The following ATP2C2 variants were observed in gnomAD, a reference collection of about 807,000 sequenced individuals.
The protein encoded by ATP2C2 is ATPase secretory pathway Ca2+ transporting 2, also known as calcium-transporting ATPase type 2C member 2.
ATP2C2 carries 171 observed loss-of-function variants against 110.8 expected under a neutral mutation model. The ratio of observed to expected loss-of-function variants is 1.54; its 90% confidence interval spans 1.36 to 1.75. ATP2C2 has a LOEUF of 1.75. ATP2C2 is among the 40% of genes most tolerant of loss of function. The pLI is 0.00. For synonymous variants in ATP2C2, 804 were observed against 508.4 expected (o/e 1.58, Z -7.82); for missense variants, 1,963 against 1,235.0 (o/e 1.59, Z -8.84).
chr16:84,443,728 T>C lies in ATP2C2; in HGVS notation c.1401+1129T>C, dbSNP rs138198765. ...GGGCTCACTTCACTGCCTTCTGTTA[T>C]CAGCTTACCTGTCCCTCCCTCCAGT... On this transcript the variant is annotated intron_variant, in intron 15 of 26. Coordinates refer to ENST00000262429, the MANE Select transcript of ATP2C2 (RefSeq NM_014861.4). Among the ~76,000 whole-genome samples the C allele has an allele frequency of 3.4e-4, 52 of 152,304 alleles. No individual in the cohort carries two copies. The South Asian group carries it at 7.7e-3, about 22-fold the overall frequency.
intron 2 of ATP2C2, among the ~76,000 whole-genome samples, chr16:84,399,473 A>G (rs1478940349): frequency 1.3e-5 from 2 of 152,204 alleles, no homozygotes; most frequent in Non-Finnish European, 2.9e-5. Context: ...TTGGCTTTTT[A>G]AAAACAAGGA....
intron 7 of ATP2C2, among the ~76,000 whole-genome samples, chr16:84,420,048 A>G (rs1907188781): frequency 6.6e-6 from 1 of 152,130 alleles, no homozygotes; most frequent in Admixed American, 6.5e-5. Context: ...TTCAACTGCC[A>G]TGGGGGCACC....
At position 84,463,649 on chromosome 16, in the gene ATP2C2, T is replaced by A; in HGVS notation, c.2758T>A (p.Phe920Ile). ...TTTAACTGGATTGGCCTCATCCGTC[T>A]TCATTTTGTCAGAGCTCCTCAAACT... Reference protein sequence around the residue: ...LFLTGLASSVFILSELLKLCE... With the variant: ...LFLTGLASSVIILSELLKLCE... The change falls in exon 27 of 27, where the codon TTC becomes ATC. Residue 920 changes from phenylalanine to isoleucine, a missense_variant. Coordinates refer to ENST00000262429, the MANE Select transcript of ATP2C2 (RefSeq NM_014861.4). The A allele has an allele frequency of 6.2e-7, 1 of 1,614,220 alleles. No homozygotes were observed. Among genetic ancestry groups the A allele is most frequent in the Non-Finnish European group, 8.5e-7 (1 of 1,180,034 alleles).
chr16:84,455,068 A>AG (rs1472668964), intron 21 of ATP2C2, 84 bp downstream of exon 21: 145 of 1,250,318 alleles, frequency 1.2e-4, no homozygotes, highest in East Asian at 4.6e-4. Context: ...CTGTGGAGAT[A>AG]GAGGGGGGGG....
In ATP2C2 at chr16:84,415,602, C is replaced by G. The variant is rs746770145; in HGVS notation, c.624+11C>G. ...ATCCGACTCACTGAGGTGAGTGGTT[C>G]CAAACCCTTGTCAATGGGGTATTTG... On this transcript the variant is annotated intron_variant, in intron 7 of 26. Transcript: ENST00000262429. The G allele has an allele frequency of 6.3e-7, 1 of 1,599,884 alleles. No homozygotes were observed. The highest frequency in any genetic ancestry group is 8.5e-7 in the Non-Finnish European group (1 of 1,170,862).
In ATP2C2 at chr16:84,452,109, G is replaced by T; in HGVS notation, c.1831+18G>T. 1 of 1,613,464 alleles carries T rather than the reference G, an allele frequency of 6.2e-7. No homozygotes were observed. Reference sequence around the variant, plus strand: ...GGCCATAGGTAACTGGGACAGGGTCGGGGGTGAGGACGAAAGGACCCATCC... The same window carrying T: ...GGCCATAGGTAACTGGGACAGGGTCTGGGGTGAGGACGAAAGGACCCATCC... On this transcript the variant is annotated intron_variant, in intron 18 of 26. Coordinates refer to ENST00000262429, the MANE Select transcript of ATP2C2 (RefSeq NM_014861.4).
intron 20 of ATP2C2, among the ~76,000 whole-genome samples, chr16:84,453,705 C>G (rs550713672): frequency 2.6e-5 from 4 of 152,246 alleles, no homozygotes; most frequent in African/African-American, 7.2e-5. Context: ...TGGGCGGACA[C>G]GAGCCCCACC....
chr16:84,449,190 G>A (rs1455792805), intron 17 of ATP2C2, among the ~76,000 whole-genome samples: 1 of 152,246 alleles, frequency 6.6e-6, no homozygotes, highest in African/African-American at 2.4e-5. Flanking sequence ...GTGCTCCTGA[G>A]CACTGGTATT....
At chr16:84,439,323 G>T in intron 12 of ATP2C2, 33 bp downstream of exon 12, 3 of 1,613,654 alleles carry the variant, frequency 1.9e-6, no homozygotes, top group Non-Finnish European at 2.5e-6. Context: ...ATCCTTACAC[G>T]TGGAATTGAA....
chr16:84,373,835 T>C (rs191112622), intron 1 of ATP2C2, among the ~76,000 whole-genome samples: 14 of 152,384 alleles, frequency 9.2e-5, no homozygotes, highest in Non-Finnish European at 1.6e-4. Context: ...AGTTCTGTTC[T>C]TTAAACTCTT....
chr16:84,439,612 C>A, intron 13 of ATP2C2, 88 bp downstream of exon 13: 1 of 1,244,948 alleles, frequency 8.0e-7, no homozygotes, highest in Non-Finnish European at 1.2e-6. Context: ...TCTTCTAGAA[C>A]ACAATAAGGA....
intron 1 of ATP2C2, among the ~76,000 whole-genome samples, chr16:84,387,202 A>G (rs1450770953): frequency 6.6e-6 from 1 of 152,176 alleles, no homozygotes; most frequent in Non-Finnish European, 1.5e-5. Context: ...CTTGCATGTG[A>G]ATGGTCACAG....
At chr16:84,450,558 C>T (rs895758709) in intron 17 of ATP2C2, among the ~76,000 whole-genome samples, 4 of 152,090 alleles carry the variant, frequency 2.6e-5, no homozygotes, top group Non-Finnish European at 5.9e-5. Context: ...GTTGGCAAAG[C>T]CCAGGTTCAG....
intron 10 of ATP2C2, among the ~76,000 whole-genome samples, chr16:84,425,077 C>G (rs1402661680): frequency 1.3e-5 from 2 of 152,124 alleles, no homozygotes; most frequent in East Asian, 3.9e-4. Flanking sequence ...CAGCTGCCCC[C>G]CTCAATACAT....
intron 16 of ATP2C2, among the ~76,000 whole-genome samples, chr16:84,446,769 ATTCTGATGCAGG>A (rs1486403304): frequency 1.3e-5 from 2 of 152,210 alleles, no homozygotes; most frequent in African/African-American, 2.4e-5. Flanking sequence ...TTTTCTGCAG[ATTCTGATGCAGG>A]TGCAAATGTT....
chr16:84,447,840 AT>A (rs1334379765), intron 16 of ATP2C2, among the ~76,000 whole-genome samples: 2 of 117,326 alleles, frequency 1.7e-5, no homozygotes, highest in Admixed American at 2.0e-4. Flanking sequence ...AACATCTGTA[AT>A]TAATATTATA....
intron 1 of ATP2C2, among the ~76,000 whole-genome samples, chr16:84,386,577 C>T (rs1341785158): frequency 6.6e-6 from 1 of 152,198 alleles, no homozygotes; most frequent in Non-Finnish European, 1.5e-5. Context: ...CTCACTTTGT[C>T]CTGTTGCTAG....
At position 84,461,717 on chromosome 16, in the gene ATP2C2, C is replaced by A. The variant is rs765981933; in HGVS notation, c.2485C>A (p.Pro829Thr). The change falls in exon 25 of 27, where the codon CCT becomes ACT. Residue 829 changes from proline (P) to threonine (T), a missense_variant. Pro to Thr is a conservative substitution (Grantham distance 38). Coordinates refer to ENST00000262429, the MANE Select transcript of ATP2C2 (RefSeq NM_014861.4). Reference sequence around the variant, plus strand: ...CACCTTTGTGCTCACCTTCCAGATGCCTGAAGACAGAGCAAGCACTCCCCG... The same window carrying A: ...CACCTTTGTGCTCACCTTCCAGATGACTGAAGACAGAGCAAGCACTCCCCG... ...GTLFIFWKEM[P>T]EDRASTPRTT... 7 of 1,613,908 alleles carry A rather than the reference C, an allele frequency of 4.3e-6. No homozygotes were observed. The highest frequency in any genetic ancestry group is 1.7e-5 in the Admixed American group (1 of 59,998).
Position 84,463,719 on chromosome 16 carries a change from C to T in ATP2C2, c.2828C>T (p.Pro943Leu), listed in dbSNP as rs778562176. The change falls in exon 27 of 27, where the codon CCT (proline) becomes CTT (leucine). Residue 943 changes from proline to leucine, a missense_variant. Physicochemically the swap from Pro to Leu is moderately conservative, Grantham distance 98. Transcript: ENST00000262429. ...AGCCCCAAGAGAGTCCAGATGCACC[C>T]TGAAGATGTGTAGTGGACCGCACTC... is the stretch of plus-strand genomic sequence containing the variant. ...CCSPKRVQMHPEDV is the reference protein window; with the variant it reads ...CCSPKRVQMHLEDV 1.2e-6 allele frequency: 2 copies of T among 1,613,136 alleles called. No individual in the cohort carries two copies. Among genetic ancestry groups the T allele is most frequent in the South Asian group, 2.2e-5 (2 of 91,064 alleles).
Sources: gnomAD v4.1 joint callset for allele counts (sites outside exome capture counted in the v4.1 genomes callset) on GRCh38, gnomAD v4.1.1 for gene constraint, MANE v1.5 for transcripts, NCBI Gene and HGNC (gene_info 2026-07-23, HGNC 2026-07-21) for gene names.